ADGRG6: variants seen among roughly 807,000 people sequenced by gnomAD.
The protein encoded by ADGRG6 is adhesion G protein-coupled receptor G6.
Under a neutral mutation model 142.4 loss-of-function variants are expected in ADGRG6, and 84 were observed. The observed-to-expected ratio is 0.59, with a 90% CI of 0.49 to 0.71. The LOEUF (loss-of-function observed/expected upper bound fraction) is 0.71. ADGRG6 is among the 30% of genes least tolerant of loss of function. The pLI is 0.00. For missense variants in ADGRG6, 1,367 were observed against 1,466.6 expected (o/e 0.93, Z 1.11); for synonymous variants, 521 against 520.5 (o/e 1.00, Z -0.01).
At chr6:142,337,034 G>A (rs72988315) in intron 2 of ADGRG6, among the ~76,000 whole-genome samples, 1 of 152,092 alleles carries the variant, frequency 6.6e-6, no homozygotes, top group Non-Finnish European at 1.5e-5. Context: ...CGTCTACCAG[G>A]GCAGTGTCCC....
At chr6:142,305,367 G>A (rs1295785181) in intron 1 of ADGRG6, among the ~76,000 whole-genome samples, 1 of 148,744 alleles carries the variant, frequency 6.7e-6, no homozygotes, top group African/African-American at 2.5e-5. Flanking sequence ...TCTAATTATT[G>A]GCCCCATTTG....
At chr6:142,429,789 C>T (rs191904226) in intron 22 of ADGRG6, among the ~76,000 whole-genome samples, 40 of 152,278 alleles carry the variant, frequency 2.6e-4, no homozygotes, top group Admixed American at 1.4e-3. Flanking sequence ...TAGTGGCTCA[C>T]GCCTATAATA....
chr6:142,439,698 G>A (rs889708414), intron 24 of ADGRG6, among the ~76,000 whole-genome samples: 1 of 152,100 alleles, frequency 6.6e-6, no homozygotes. Flanking sequence ...AGGACATTTT[G>A]GGGGGAATTG....
At chr6:142,425,127 A>C (rs138818730) in intron 22 of ADGRG6, among the ~76,000 whole-genome samples, 1,945 of 152,336 alleles carry the variant, frequency 0.013, 23 homozygotes, top group Non-Finnish European at 0.02. Flanking sequence ...CTAGACCAGA[A>C]GGCTCTGTAT....
intron 9 of ADGRG6, among the ~76,000 whole-genome samples, chr6:142,397,260 G>A (rs897165704): frequency 8.6e-5 from 13 of 151,624 alleles, no homozygotes; most frequent in African/African-American, 3.2e-4. Context: ...TTAATTTGGG[G>A]CCACAAAGAA....
chr6:142,391,976 T>C (rs1469017113), intron 7 of ADGRG6, among the ~76,000 whole-genome samples: 2 of 151,978 alleles, frequency 1.3e-5, no homozygotes, highest in Admixed American at 6.6e-5. Flanking sequence ...GTTTTCAACA[T>C]AGCTTTATTC....
At chr6:142,318,239 T>C (rs1255285858) in intron 2 of ADGRG6, among the ~76,000 whole-genome samples, 1 of 68,598 alleles carries the variant, frequency 1.5e-5, no homozygotes, top group Non-Finnish European at 2.5e-5. Flanking sequence ...ATATTATATA[T>C]ATTTATATAT....
At chr6:142,318,101 TTTATATATATTATATATTA>T (rs1426087288) in intron 2 of ADGRG6, among the ~76,000 whole-genome samples, 1 of 456 alleles carries the variant, frequency 2.2e-3, no homozygotes, top group African/African-American at 5.7e-3. Flanking sequence ...ATTATATATA[TTTATATATATTATATATTA>T]TATATATTAT....
At chr6:142,342,345 G>A (rs942092763) in intron 2 of ADGRG6, among the ~76,000 whole-genome samples, 1 of 152,102 alleles carries the variant, frequency 6.6e-6, no homozygotes, top group Non-Finnish European at 1.5e-5. Flanking sequence ...TACTTAGGCT[G>A]TGCTGCAGTG....
At chr6:142,379,800 C>T (rs1781673493) in intron 4 of ADGRG6, among the ~76,000 whole-genome samples, 1 of 152,120 alleles carries the variant, frequency 6.6e-6, no homozygotes, top group Admixed American at 6.6e-5. Flanking sequence ...TGTTAGTTCA[C>T]CTGGTGAACC....
At chr6:142,331,205 G>A (rs982084995) in intron 2 of ADGRG6, among the ~76,000 whole-genome samples, 2 of 151,650 alleles carry the variant, frequency 1.3e-5, no homozygotes, top group Non-Finnish European at 2.9e-5. Flanking sequence ...CCCCACTAAG[G>A]TCTAACCTTT....
intron 18 of ADGRG6, among the ~76,000 whole-genome samples, chr6:142,412,371 G>A (rs1195795046): frequency 6.6e-6 from 1 of 152,106 alleles, no homozygotes; most frequent in Non-Finnish European, 1.5e-5. Flanking sequence ...CAGACGTCAG[G>A]TTTTGTTTAT....
chr6:142,359,722 A>G (rs1452559799), intron 2 of ADGRG6, among the ~76,000 whole-genome samples: 1 of 152,208 alleles, frequency 6.6e-6, no homozygotes, highest in Non-Finnish European at 1.5e-5. Context: ...GTATTCCCAG[A>G]ACCTGGCACA....
intron 2 of ADGRG6, among the ~76,000 whole-genome samples, chr6:142,341,460 ATATATAATATTATGTAGTATATATAC>A (rs1779624833): frequency 4.2e-5 from 5 of 118,876 alleles, no homozygotes; most frequent in African/African-American, 1.6e-4. Flanking sequence ...TATATATAGT[ATATATAATATTATGTAGTATATATAC>A]TATATAATAT....
chr6:142,348,574 G>T (rs569978297), intron 2 of ADGRG6, among the ~76,000 whole-genome samples: 9 of 151,720 alleles, frequency 5.9e-5, no homozygotes, highest in African/African-American at 2.2e-4. Context: ...TCTTCCATGT[G>T]CTTCAAAAAC....
chr6:142,400,699 G>A, intron 11 of ADGRG6, 103 bp downstream of exon 11: 1 of 671,016 alleles, frequency 1.5e-6, no homozygotes. Flanking sequence ...TGATTGCAAA[G>A]AAGGGCAGGA....
intron 15 of ADGRG6, among the ~76,000 whole-genome samples, chr6:142,407,569 T>A (rs1775871497): frequency 6.6e-6 from 1 of 152,220 alleles, no homozygotes; most frequent in Admixed American, 6.5e-5. Context: ...TGGGACAGAT[T>A]TGATTTCCTG....
intron 12 of ADGRG6, 28 bp downstream of exon 12, chr6:142,402,086 C>CAAGGA (rs1177296077): frequency 1.7e-6 from 2 of 1,154,910 alleles, no homozygotes; most frequent in African/African-American, 1.5e-5. Flanking sequence ...CTTTATTTCT[C>CAAGGA]AAGGACAAAA....
chr6:142,334,884 A>G (rs1490857572), intron 2 of ADGRG6, among the ~76,000 whole-genome samples: 1 of 151,928 alleles, frequency 6.6e-6, no homozygotes. Flanking sequence ...GAAATTCAAA[A>G]TAATATGTTA....
Sources: gnomAD v4.1 joint callset for allele counts (sites outside exome capture counted in the v4.1 genomes callset) on GRCh38, gnomAD v4.1.1 for gene constraint, MANE v1.5 for transcripts, NCBI Gene and HGNC (gene_info 2026-07-23, HGNC 2026-07-21) for gene names.